Variants in SDK1 observed in about 807,000 individuals in gnomAD.
SDK1 encodes sidekick cell adhesion molecule 1, also known as protein sidekick-1.
A neutral mutation model predicts 245.5 loss-of-function variants in SDK1; 157 were observed. The observed-to-expected ratio is 0.64, with a 90% CI of 0.56 to 0.73. SDK1 has a LOEUF of 0.73. Ranked by LOEUF, SDK1 falls within the 30% of genes least tolerant of loss-of-function variation. The probability of loss-of-function intolerance (pLI) is 0.00; values close to 1 mark genes in which losing one functional copy is unlikely to be tolerated. For synonymous variants in SDK1, 1,647 were observed against 1,278.5 expected, an observed-to-expected ratio of 1.29 and a Z score of -6.15; for missense variants, 3,583 against 3,002.3, an observed-to-expected ratio of 1.19 and a Z score of -4.52.
intron 1 of SDK1, among the ~76,000 whole-genome samples, chr7:3,384,809 G>A (rs1015077728): frequency 6.6e-6 from 1 of 152,154 alleles, no homozygotes; most frequent in African/African-American, 2.4e-5. Flanking sequence ...CACTTACATA[G>A]GTACACACAT....
intron 4 of SDK1, among the ~76,000 whole-genome samples, chr7:3,653,339 C>G (rs536463925): frequency 6.6e-6 from 1 of 152,106 alleles, no homozygotes; most frequent in African/African-American, 2.4e-5. Context: ...TTGAAAAACT[C>G]GGTTGTCACT....
chr7:3,625,477 A>T (rs1218262687), intron 2 of SDK1, among the ~76,000 whole-genome samples: 1 of 152,170 alleles, frequency 6.6e-6, no homozygotes, highest in African/African-American at 2.4e-5. Flanking sequence ...TTGTTTGTGA[A>T]TGTCATCCCA....
chr7:3,682,389 A>G lies in SDK1; in HGVS notation c.713+40284A>G, dbSNP rs560694582. 7.2e-5 allele frequency among the ~76,000 whole-genome samples: 11 copies of G among 152,316 alleles called. No individual in the cohort carries two copies. The South Asian group carries it at 2.3e-3, about 32-fold the overall frequency. ...TTGAGATTTGTAAATTAACATTTCCAGAGGGGAAGAAAACTCCTCTATAAT... is the reference window on the plus strand; with the variant it reads ...TTGAGATTTGTAAATTAACATTTCCGGAGGGGAAGAAAACTCCTCTATAAT... On this transcript the variant is annotated intron_variant, in intron 4 of 44. Transcript: ENST00000404826.
chr7:4,174,496 C>A, intron 33 of SDK1, 139 bp downstream of exon 33: 1 of 1,011,194 alleles, frequency 9.9e-7, no homozygotes, highest in Non-Finnish European at 1.5e-6. Context: ...GAACAGGGAG[C>A]AGGCGGGTTT....
Position 3,752,398 on chromosome 7 carries a change from T to A in SDK1, c.714-69052T>A, listed in dbSNP as rs182812820. 8.9e-4 allele frequency among the ~76,000 whole-genome samples: 136 copies of A among 152,322 alleles called. 1 individual carries two copies. The highest frequency in any genetic ancestry group is 3.1e-3 in the African/African-American group (129 of 41,576). On this transcript the variant is annotated intron_variant, in intron 4 of 44. Coordinates refer to ENST00000404826, the MANE Select transcript of SDK1 (RefSeq NM_152744.4). ...TATTCTGCAAGTGAGCTTAATACTTTTAATGCCATCTGACCTCAAGATTTT... is the reference window on the plus strand; with the variant it reads ...TATTCTGCAAGTGAGCTTAATACTTATAATGCCATCTGACCTCAAGATTTT...
intron 1 of SDK1, among the ~76,000 whole-genome samples, chr7:3,494,286 G>A (rs2128606092): frequency 6.6e-6 from 1 of 152,244 alleles, no homozygotes; most frequent in African/African-American, 2.4e-5. Flanking sequence ...ATTAAAGATA[G>A]CAATTTAGAG....
At chr7:3,921,186 A>G (rs893112167) in intron 5 of SDK1, among the ~76,000 whole-genome samples, 1 of 152,246 alleles carries the variant, frequency 6.6e-6, no homozygotes, top group Non-Finnish European at 1.5e-5. Context: ...ATTTTCATTC[A>G]TGTCTCATAC....
rs778938735 is a variant in SDK1, at chr7:3,969,370, T to C, written c.1660T>C (p.Tyr554His). ...FIQDAGNYTC[Y>H]AANTEGSLNA... ...CCAGGATGCCGGCAACTACACCTGC[T>C]ATGCGGCCAACACAGAGGGCTCCCT... is the stretch of plus-strand genomic sequence containing the variant. The change falls in exon 11 of 45, where the codon TAT becomes CAT. Residue 554 changes from tyrosine to histidine, a missense_variant. Transcript: ENST00000404826. 7 of 1,611,240 alleles carry C rather than the reference T, an allele frequency of 4.3e-6. No individual in the cohort carries two copies. The highest frequency in any genetic ancestry group is 1.3e-5 in the African/African-American group (1 of 74,846).
chr7:3,493,589 T>G (rs998692180), intron 1 of SDK1, among the ~76,000 whole-genome samples: 1 of 152,242 alleles, frequency 6.6e-6, no homozygotes, highest in Non-Finnish European at 1.5e-5. Context: ...TGCACTATTA[T>G]TTAACTAAAG....
At chr7:3,743,586 C>T (rs1456143613) in intron 4 of SDK1, among the ~76,000 whole-genome samples, 1 of 152,120 alleles carries the variant, frequency 6.6e-6, no homozygotes, top group African/African-American at 2.4e-5. Context: ...TACAGAATAC[C>T]CTAGTACCAC....
intron 1 of SDK1, among the ~76,000 whole-genome samples, chr7:3,597,140 C>G (rs549019855): frequency 1.3e-5 from 2 of 151,822 alleles, no homozygotes; most frequent in African/African-American, 4.8e-5. Context: ...GATGTGGTGG[C>G]GGGTGCCTGT....
intron 4 of SDK1, among the ~76,000 whole-genome samples, chr7:3,654,817 A>G (rs1209416316): frequency 1.3e-5 from 2 of 152,180 alleles, no homozygotes; most frequent in African/African-American, 4.8e-5. Flanking sequence ...TCTATGTACC[A>G]ATTTTTCACT....
chr7:3,711,961 G>A (rs972160536), intron 4 of SDK1, among the ~76,000 whole-genome samples: 2 of 150,914 alleles, frequency 1.3e-5, no homozygotes, highest in African/African-American at 2.4e-5. Flanking sequence ...CCACATTAGT[G>A]AACAAGATTA....
At chr7:3,968,656 G>A (rs760349441) in intron 10 of SDK1, among the ~76,000 whole-genome samples, 3 of 152,188 alleles carry the variant, frequency 2.0e-5, no homozygotes, top group African/African-American at 4.8e-5. Context: ...TAGCAATCAC[G>A]TTCATGGATC....
chr7:3,847,310 G>A (rs911306883), intron 5 of SDK1, among the ~76,000 whole-genome samples: 9 of 152,092 alleles, frequency 5.9e-5, no homozygotes, highest in Admixed American at 2.6e-4. Flanking sequence ...CGACTTGGTC[G>A]CCATAAACCT....
At chr7:4,012,614 C>T (rs1422331052) in intron 16 of SDK1, among the ~76,000 whole-genome samples, 1 of 91,568 alleles carries the variant, frequency 1.1e-5, no homozygotes, top group African/African-American at 3.8e-5. Context: ...TCTCTTGTTG[C>T]CCAGGCTGGA....
chr7:3,823,886 C>A (rs28409132), intron 5 of SDK1, among the ~76,000 whole-genome samples: 152 of 151,680 alleles, frequency 1.0e-3, no homozygotes, highest in Non-Finnish European at 1.8e-3. Context: ...GGAGAACCTT[C>A]CTGGTGACAT....
intron 31 of SDK1, among the ~76,000 whole-genome samples, chr7:4,158,990 G>A (rs895954635): frequency 6.6e-5 from 10 of 152,212 alleles, no homozygotes; most frequent in Non-Finnish European, 1.2e-4. Context: ...CCTCGGCGGC[G>A]TCAGGCCTGA....
intron 5 of SDK1, among the ~76,000 whole-genome samples, chr7:3,825,243 G>C (rs1438234416): frequency 7.0e-6 from 1 of 143,330 alleles, no homozygotes; most frequent in African/African-American, 2.6e-5. Context: ...TTGCTTTGAA[G>C]ATTTTACGTT....
Sources: gnomAD v4.1 joint callset for allele counts (sites outside exome capture counted in the v4.1 genomes callset) on GRCh38, gnomAD v4.1.1 for gene constraint, MANE v1.5 for transcripts, NCBI Gene and HGNC (gene_info 2026-07-23, HGNC 2026-07-21) for gene names.